ZFPM1: variants seen among roughly 807,000 people sequenced by gnomAD.
The protein encoded by ZFPM1 is zinc finger protein, FOG family member 1, also known as zinc finger protein ZFPM1.
ZFPM1 carries 28 observed loss-of-function variants against 46.3 expected under a neutral mutation model. The ratio of observed to expected loss-of-function variants is 0.60; its 90% CI spans 0.45 to 0.83. ZFPM1 has a LOEUF of 0.83. ZFPM1 is among the 40% of genes least tolerant of loss of function. The probability of loss-of-function intolerance (pLI) is 0.00; values close to 1 mark genes in which losing one functional copy is unlikely to be tolerated. For synonymous variants in ZFPM1, 957 were observed against 675.9 expected, an observed-to-expected ratio of 1.42 and a Z score of -6.45; for missense variants, 1,878 against 1,432.4, an observed-to-expected ratio of 1.31 and a Z score of -5.02.
At chr16:88,525,074 G>A (rs928950801) in intron 4 of ZFPM1, among the ~76,000 whole-genome samples, 2 of 152,254 alleles carry the variant, frequency 1.3e-5, no homozygotes, top group African/African-American at 2.4e-5. Flanking sequence ...GTCACTGAAC[G>A]TCCCAGCCCA....
chr16:88,532,253 A>C lies in ZFPM1; in HGVS notation c.946+18A>C, dbSNP rs1912846809. 1 of 1,573,518 alleles carries C rather than the reference A, an allele frequency of 6.4e-7. No individual in the cohort carries two copies. Among genetic ancestry groups the C allele is most frequent in the Non-Finnish European group, 8.6e-7 (1 of 1,156,462 alleles). ...CCACAGCGGTGAGCCCCCACCCCGGACGCGGGTCCTCAGGATGCCGGCTGC... is the reference window on the plus strand; with the variant it reads ...CCACAGCGGTGAGCCCCCACCCCGGCCGCGGGTCCTCAGGATGCCGGCTGC... On this transcript the variant is annotated intron_variant, in intron 7 of 9. Coordinates refer to ENST00000319555, the MANE Select transcript of ZFPM1 (RefSeq NM_153813.3).
intron 1 of ZFPM1, among the ~76,000 whole-genome samples, chr16:88,472,852 G>A (rs952467462): frequency 6.6e-6 from 1 of 152,228 alleles, no homozygotes; most frequent in South Asian, 2.1e-4. Context: ...AGCATCCTAG[G>A]CTCCGCCTCT....
chr16:88,512,055 C>T (rs1371478701), intron 3 of ZFPM1, among the ~76,000 whole-genome samples: 1 of 152,258 alleles, frequency 6.6e-6, no homozygotes, highest in Non-Finnish European at 1.5e-5. Flanking sequence ...AGAGCCAGCC[C>T]TCTCTGGCAG....
chr16:88,453,974 C>A (rs1418037705), intron 1 of ZFPM1, among the ~76,000 whole-genome samples: 2 of 152,276 alleles, frequency 1.3e-5, no homozygotes, highest in South Asian at 4.1e-4. Context: ...GCCTGCCCCT[C>A]CCCCGCATCT....
At chr16:88,481,171 C>T (rs1189791684) in intron 1 of ZFPM1, among the ~76,000 whole-genome samples, 1 of 152,132 alleles carries the variant, frequency 6.6e-6, no homozygotes, top group South Asian at 2.1e-4. Flanking sequence ...CAAGGGGCTC[C>T]GGGCACCACA....
intron 2 of ZFPM1, among the ~76,000 whole-genome samples, chr16:88,486,948 G>A (rs560015603): frequency 5.3e-5 from 8 of 152,290 alleles, no homozygotes; most frequent in East Asian, 1.9e-4. Context: ...CACTCAGCTC[G>A]CAAGTGCCCT....
chr16:88,509,685 C>T (rs1457825164), intron 3 of ZFPM1, among the ~76,000 whole-genome samples: 1 of 152,030 alleles, frequency 6.6e-6, no homozygotes, highest in Non-Finnish European at 1.5e-5. Flanking sequence ...GGGAGGCGGG[C>T]GACTGAGCAG....
At chr16:88,516,007 G>A in intron 4 of ZFPM1, 1 of 397,454 alleles carries the variant, frequency 2.5e-6, no homozygotes. Flanking sequence ...AAAGACCGTA[G>A]GGGCTGAGAT....
intron 1 of ZFPM1, among the ~76,000 whole-genome samples, chr16:88,457,495 C>G (rs1437499346): frequency 6.6e-6 from 1 of 152,252 alleles, no homozygotes; most frequent in African/African-American, 2.4e-5. Flanking sequence ...CTCAGCTTAC[C>G]TGGTCCTTGG....
chr16:88,473,712 C>T (rs1216454830), intron 1 of ZFPM1, among the ~76,000 whole-genome samples: 2 of 152,166 alleles, frequency 1.3e-5, no homozygotes, highest in Non-Finnish European at 2.9e-5. Context: ...AGCCCAGATT[C>T]TCGGGGCCGT....
intron 4 of ZFPM1, among the ~76,000 whole-genome samples, chr16:88,518,978 C>A (rs1430065428): frequency 1.5e-5 from 2 of 131,068 alleles, no homozygotes; most frequent in Non-Finnish European, 3.2e-5. Flanking sequence ...GGGAGGATAA[C>A]CAGGTGGATG....
At chr16:88,493,558 TGGGGAGA>T in intron 3 of ZFPM1, among the ~76,000 whole-genome samples, 1 of 145,836 alleles carries the variant, frequency 6.9e-6, no homozygotes, top group African/African-American at 2.6e-5. Flanking sequence ...TGTCCCGGGG[TGGGGAGA>T]GCTGTCCCGG....
rs1908402151 is a variant in ZFPM1, at chr16:88,471,182, C to T, written c.41-14757C>T. On this transcript the variant is annotated intron_variant, in intron 1 of 9. Transcript: ENST00000319555. The surrounding 1 kb of genome is among the most constrained non-coding windows in gnomAD (Gnocchi z 4.1). Reference sequence around the variant, plus strand: ...ACTTTTCCTCTCCACTTACTCCGCCCTGACCGCGATGGGCACTGAGAATTC... The same window carrying T: ...ACTTTTCCTCTCCACTTACTCCGCCTTGACCGCGATGGGCACTGAGAATTC... 6.6e-6 allele frequency among the ~76,000 whole-genome samples: 1 copy of T among 151,154 alleles called. No homozygotes were observed. Among genetic ancestry groups the T allele is most frequent in the African/African-American group, 2.5e-5 (1 of 40,420 alleles).
At chr16:88,483,854 C>T (rs540252733) in intron 1 of ZFPM1, among the ~76,000 whole-genome samples, 2 of 152,338 alleles carry the variant, frequency 1.3e-5, no homozygotes, top group East Asian at 3.9e-4. Flanking sequence ...TCCAAACGCG[C>T]AGAAAATCCA....
At chr16:88,502,807 C>T (rs1910440044) in intron 3 of ZFPM1, among the ~76,000 whole-genome samples, 1 of 152,254 alleles carries the variant, frequency 6.6e-6, no homozygotes, top group Non-Finnish European at 1.5e-5. Flanking sequence ...TAAATTTTTG[C>T]TGTCTTGCCA....
intron 3 of ZFPM1, among the ~76,000 whole-genome samples, chr16:88,495,153 G>A (rs539057685): frequency 6.6e-6 from 1 of 152,218 alleles, no homozygotes; most frequent in Non-Finnish European, 1.5e-5. Flanking sequence ...GCCCCACTAG[G>A]ACTTGGAGGG....
chr16:88,491,877 A>G (rs1909598272), intron 3 of ZFPM1, among the ~76,000 whole-genome samples: 1 of 152,150 alleles, frequency 6.6e-6, no homozygotes, highest in African/African-American at 2.4e-5. Context: ...GGGGAAGCCA[A>G]GGAGGCTCTG....
intron 3 of ZFPM1, among the ~76,000 whole-genome samples, chr16:88,506,182 C>T (rs534837439): frequency 4.6e-5 from 7 of 151,646 alleles, no homozygotes; most frequent in Admixed American, 3.3e-4. Flanking sequence ...AGGCAGAAGG[C>T]AGAGGAGACC....
At chr16:88,513,708 G>T (rs534510862) in intron 3 of ZFPM1, among the ~76,000 whole-genome samples, 1 of 152,344 alleles carries the variant, frequency 6.6e-6, no homozygotes, top group South Asian at 2.1e-4. Context: ...AGGCAGCAGA[G>T]TGTGTCCTTG....
Sources: allele counts gnomAD v4.1 joint callset (sites outside exome capture counted in the v4.1 genomes callset), GRCh38; gene constraint gnomAD v4.1.1; non-coding constraint Gnocchi (gnomAD v3.1); transcripts MANE v1.5; gene names NCBI Gene and HGNC (gene_info 2026-07-23, HGNC 2026-07-21).